Variants in PAPPA2 observed in about 807,000 individuals in gnomAD.
PAPPA2 encodes the protein pappalysin-2.
In PAPPA2, 86 loss-of-function variants were observed where a neutral mutation model predicts 176.4. The ratio of observed to expected loss-of-function variants is 0.49; its 90% confidence interval spans 0.41 to 0.58. The LOEUF (loss-of-function observed/expected upper bound fraction) is 0.58, where lower values mean the gene tolerates loss of function less well. Among genes scored for constraint, PAPPA2 ranks in the 20% least tolerant of loss-of-function variants. The pLI, the probability that PAPPA2 is intolerant of heterozygous loss-of-function variation, is 0.00. For synonymous variants in PAPPA2, 809 were observed against 852.2 expected (o/e 0.95, Z 0.88); for missense variants, 2,073 against 2,256.9 (o/e 0.92, Z 1.65).
Position 176,595,163 on chromosome 1 carries a change from G to A in PAPPA2, c.1559G>A (p.Arg520Gln), listed in dbSNP as rs762087707. 2.0e-5 allele frequency: 33 copies of A among 1,614,040 alleles called. No homozygotes were observed. Among genetic ancestry groups the A allele is most frequent in the Middle Eastern group, 1.6e-4 (1 of 6,084 alleles). ...CAGTACAATGGATACTGGCCCCTTC[G>A]GGGAGAGAAGGTGATACGCTACCAG... ...ISQYNGYWPL[R>Q]GEKVIRYQVV... The change falls in exon 3 of 23, where the codon CGG (arginine) becomes CAG (glutamine). Residue 520 changes from arginine to glutamine, a missense_variant. Around this residue, in one of 4 missense-constraint regions of PAPPA2, gnomAD observed 1,196 missense variants for 1,330.4 expected, o/e 0.90. Coordinates refer to ENST00000367662, the MANE Select transcript of PAPPA2 (RefSeq NM_020318.3).
chr1:176,607,811 T>C (rs2102672784), intron 3 of PAPPA2, among the ~76,000 whole-genome samples: 1 of 152,370 alleles, frequency 6.6e-6, no homozygotes, highest in East Asian at 1.9e-4. Context: ...CAATAAACTG[T>C]TAATTTTTAT....
rs543081374 is a variant in PAPPA2, at chr1:176,676,392, A to T, written c.2137+5277A>T. Among the ~76,000 whole-genome samples, 259 of 152,026 alleles carry T rather than the reference A, an allele frequency of 1.7e-3. 1 individual carries two copies. The highest frequency in any genetic ancestry group is 3.3e-3 in the Non-Finnish European group (223 of 67,968). ...ACTGTGTACATCGACACAATGAAAT[A>T]CTACTCAACGAAGTATTAATGCATG... is the stretch of plus-strand genomic sequence containing the variant. On this transcript the variant is annotated intron_variant, in intron 4 of 22. Transcript: ENST00000367662.
At chr1:176,730,520 T>C (rs1444647724) in intron 12 of PAPPA2, among the ~76,000 whole-genome samples, 3 of 152,044 alleles carry the variant, frequency 2.0e-5, no homozygotes, top group African/African-American at 4.8e-5. Flanking sequence ...ATGCATGGGG[T>C]TTGTCTGGCT....
intron 3 of PAPPA2, among the ~76,000 whole-genome samples, chr1:176,611,294 A>G (rs1654910923): frequency 6.6e-6 from 1 of 152,230 alleles, no homozygotes; most frequent in African/African-American, 2.4e-5. Flanking sequence ...GATATCAGAT[A>G]ATAACCATAA....
chr1:176,476,365 T>C (rs1383397854), intron 1 of PAPPA2, among the ~76,000 whole-genome samples: 1 of 152,220 alleles, frequency 6.6e-6, no homozygotes, highest in Non-Finnish European at 1.5e-5. Flanking sequence ...TCACTAAATA[T>C]ACTTTGTTCT....
At chr1:176,634,915 AGATAGAT>A (rs1194973855) in intron 3 of PAPPA2, among the ~76,000 whole-genome samples, 19 of 85,728 alleles carry the variant, frequency 2.2e-4, no homozygotes, top group South Asian at 1.9e-3. Flanking sequence ...GATACATGAC[AGATAGAT>A]GATGATGATG....
chr1:176,520,580 C>T (rs1649160531), intron 1 of PAPPA2, among the ~76,000 whole-genome samples: 1 of 152,052 alleles, frequency 6.6e-6, no homozygotes, highest in Non-Finnish European at 1.5e-5. Flanking sequence ...ATGGAATGTG[C>T]AGATCTTTCT....
At chr1:176,736,543 T>G (rs2102869498) in intron 12 of PAPPA2, among the ~76,000 whole-genome samples, 1 of 147,090 alleles carries the variant, frequency 6.8e-6, no homozygotes, top group East Asian at 2.0e-4. Flanking sequence ...TTTTTAAATA[T>G]ATATCTTATA....
At chr1:176,464,614 T>C (rs7523465) in intron 1 of PAPPA2, among the ~76,000 whole-genome samples, 40,009 of 152,148 alleles carry the variant, frequency 0.26, 7,740 homozygotes, top group African/African-American at 0.55. Flanking sequence ...TGAAAAGATA[T>C]AGCTTTTTCC....
chr1:176,718,707 TTA>T (rs1491294330), intron 12 of PAPPA2, among the ~76,000 whole-genome samples: 8 of 151,056 alleles, frequency 5.3e-5, no homozygotes, highest in African/African-American at 1.5e-4. Context: ...ACTTTTTTTT[TTA>T]AAAAAAAAAA....
chr1:176,825,238 A>G (rs1666811825), intron 21 of PAPPA2, among the ~76,000 whole-genome samples: 1 of 151,918 alleles, frequency 6.6e-6, no homozygotes, highest in East Asian at 1.9e-4. Context: ...TACTTACTTC[A>G]CCCAGGCAGA....
intron 21 of PAPPA2, among the ~76,000 whole-genome samples, chr1:176,817,420 T>A (rs1474188998): frequency 6.6e-6 from 1 of 152,048 alleles, no homozygotes; most frequent in African/African-American, 2.4e-5. Context: ...TCTGAAGGCA[T>A]TGAGAAGCCT....
intron 3 of PAPPA2, among the ~76,000 whole-genome samples, chr1:176,639,141 C>G (rs1223860801): frequency 6.6e-6 from 1 of 151,984 alleles, no homozygotes; most frequent in African/African-American, 2.4e-5. Flanking sequence ...GGGAGAAATG[C>G]CAGATGAAAA....
chr1:176,610,218 C>A (rs1239139843), intron 3 of PAPPA2, among the ~76,000 whole-genome samples: 2 of 151,554 alleles, frequency 1.3e-5, no homozygotes, highest in Non-Finnish European at 2.9e-5. Context: ...ATTCCATAGC[C>A]ATTCCTAGGA....
At chr1:176,524,878 C>A (rs940011855) in intron 1 of PAPPA2, among the ~76,000 whole-genome samples, 1 of 151,814 alleles carries the variant, frequency 6.6e-6, no homozygotes, top group Non-Finnish European at 1.5e-5. Context: ...ACAAAAAAAA[C>A]AAAATAAAAT....
intron 12 of PAPPA2, among the ~76,000 whole-genome samples, chr1:176,722,792 G>C (rs1005768543): frequency 6.6e-6 from 1 of 152,032 alleles, no homozygotes; most frequent in African/African-American, 2.4e-5. Flanking sequence ...CATGTTTTAT[G>C]ATTGTTCTTG....
chr1:176,538,408 T>C (rs1650189561), intron 1 of PAPPA2, among the ~76,000 whole-genome samples: 1 of 152,190 alleles, frequency 6.6e-6, no homozygotes, highest in Admixed American at 6.5e-5. Flanking sequence ...GGTGAAGGCA[T>C]TCATCCAAGG....
rs1364563981 is a variant in PAPPA2, at chr1:176,739,642, C to G, written c.3815C>G (p.Pro1272Arg). ...EVWLKVCFNR[P>R]GEARAIFIFL... The stretch of plus-strand genomic sequence containing the variant: ...TATGCTTAGGTGTGTTTCAATAGAC[C>G]AGGAGAGGCCAGAGCAATTTTTATT... The change falls in exon 13 of 23, where the codon CCA becomes CGA. Residue 1272 changes from proline (P) to arginine (R), a missense_variant. Transcript: ENST00000367662. The G allele has an allele frequency of 5.6e-6, 9 of 1,613,058 alleles. No individual in the cohort carries two copies. The highest frequency in any genetic ancestry group is 7.6e-6 in the Non-Finnish European group (9 of 1,179,456).
At chr1:176,706,794 T>C (rs1660902768) in intron 10 of PAPPA2, among the ~76,000 whole-genome samples, 2 of 152,328 alleles carry the variant, frequency 1.3e-5, no homozygotes, top group South Asian at 4.1e-4. Flanking sequence ...GGATTTATCT[T>C]GGACCCTCCA....
Sources: gnomAD v4.1 joint callset for allele counts (sites outside exome capture counted in the v4.1 genomes callset) on GRCh38, gnomAD v4.1.1 for gene constraint, gnomAD v4.1.1 regional missense constraint, MANE v1.5 for transcripts, NCBI Gene and HGNC (gene_info 2026-07-23, HGNC 2026-07-21) for gene names.